The following SPAG16 variants were observed in gnomAD, a reference collection of about 807,000 sequenced individuals.
SPAG16 encodes sperm-associated antigen 16 protein.
A neutral mutation model predicts 80.4 loss-of-function variants in SPAG16; 86 were observed. The ratio of observed to expected loss-of-function variants is 1.07; its 90% CI spans 0.90 to 1.28. SPAG16 has a LOEUF of 1.28. Ranked by LOEUF, SPAG16 falls within the 50% of genes most tolerant of loss-of-function variation. SPAG16 has a pLI of 0.00. For synonymous variants in SPAG16, 294 were observed against 265.9 expected, an observed-to-expected ratio of 1.11 and a Z score of -1.03; for missense variants, 870 against 765.3, an observed-to-expected ratio of 1.14 and a Z score of -1.61.
intron 10 of SPAG16, among the ~76,000 whole-genome samples, chr2:213,672,016 A>G (rs1012939719): frequency 6.6e-6 from 1 of 152,194 alleles, no homozygotes; most frequent in Non-Finnish European, 1.5e-5. Flanking sequence ...ACTAAAAGTG[A>G]TTTAGCCATA....
intron 9 of SPAG16, among the ~76,000 whole-genome samples, chr2:213,433,382 T>C (rs555348498): frequency 6.6e-6 from 1 of 152,344 alleles, no homozygotes; most frequent in East Asian, 1.9e-4. Flanking sequence ...CTCTTAGAAT[T>C]GATAAATGTA....
At chr2:214,059,222 G>GTGTATATATA (rs1553706195) in intron 13 of SPAG16, among the ~76,000 whole-genome samples, 20 of 121,480 alleles carry the variant, frequency 1.6e-4, no homozygotes, top group East Asian at 4.9e-4. Flanking sequence ...ATATGTATGT[G>GTGTATATATA]TATATATATA....
chr2:214,068,437 G>A (rs2050631818), intron 13 of SPAG16, among the ~76,000 whole-genome samples: 1 of 152,040 alleles, frequency 6.6e-6, no homozygotes, highest in African/African-American at 2.4e-5. Context: ...ATTTGCCCAA[G>A]TTTTATCAGT....
chr2:214,026,386 G>GT (rs1271021583), intron 13 of SPAG16, among the ~76,000 whole-genome samples: 1 of 151,276 alleles, frequency 6.6e-6, no homozygotes, highest in Non-Finnish European at 1.5e-5. Flanking sequence ...AAAAACAAAA[G>GT]TTAAAAGTGC....
At chr2:214,329,029 A>G (rs555108447) in intron 15 of SPAG16, among the ~76,000 whole-genome samples, 1 of 152,348 alleles carries the variant, frequency 6.6e-6, no homozygotes, top group South Asian at 2.1e-4. Context: ...GGATACAAAG[A>G]TGGTTAGAAT....
intron 14 of SPAG16, among the ~76,000 whole-genome samples, chr2:214,143,500 CATT>C (rs2055478296): frequency 6.6e-6 from 1 of 151,880 alleles, no homozygotes; most frequent in Non-Finnish European, 1.5e-5. Flanking sequence ...TCAGCTGTGA[CATT>C]ATTTACAGGT....
intron 10 of SPAG16, among the ~76,000 whole-genome samples, chr2:213,514,624 C>T (rs972304404): frequency 8.1e-6 from 1 of 123,638 alleles, no homozygotes; most frequent in Admixed American, 9.4e-5. Flanking sequence ...CCCCTCCCCC[C>T]ACCCCACCAC....
chr2:213,562,385 C>G (rs2059621990), intron 10 of SPAG16, among the ~76,000 whole-genome samples: 1 of 152,146 alleles, frequency 6.6e-6, no homozygotes, highest in South Asian at 2.1e-4. Context: ...CTCTTTAATT[C>G]TTCCCTCTCC....
chr2:213,921,617 T>C (rs981039794), intron 11 of SPAG16, among the ~76,000 whole-genome samples: 1 of 152,214 alleles, frequency 6.6e-6, no homozygotes, highest in Non-Finnish European at 1.5e-5. Flanking sequence ...TGTGGTTGCT[T>C]TATAGTGTCA....
intron 15 of SPAG16, among the ~76,000 whole-genome samples, chr2:214,155,930 C>A (rs2056194658): frequency 1.3e-5 from 2 of 152,084 alleles, no homozygotes; most frequent in African/African-American, 4.8e-5. Context: ...AGTTGAAATT[C>A]AAATCCAGAG....
chr2:213,889,124 C>T (rs903758181), intron 11 of SPAG16, among the ~76,000 whole-genome samples: 1 of 151,756 alleles, frequency 6.6e-6, no homozygotes, highest in Non-Finnish European at 1.5e-5. Flanking sequence ...AACAACTTTG[C>T]TGTTTGAGTA....
chr2:213,407,697 A>T (rs2068710410), intron 9 of SPAG16, among the ~76,000 whole-genome samples: 2 of 147,876 alleles, frequency 1.4e-5, no homozygotes, highest in African/African-American at 5.0e-5. Flanking sequence ...GACAGAAGAG[A>T]GAGAGAGAGA....
At chr2:214,408,042 C>G (rs527271379) in intron 15 of SPAG16, among the ~76,000 whole-genome samples, 2 of 152,148 alleles carry the variant, frequency 1.3e-5, no homozygotes, top group African/African-American at 4.8e-5. Context: ...CTTGAAAAAA[C>G]AAATTTTTGG....
intron 9 of SPAG16, among the ~76,000 whole-genome samples, chr2:213,471,495 G>C (rs2073075396): frequency 6.6e-6 from 1 of 152,176 alleles, no homozygotes; most frequent in Admixed American, 6.5e-5. Flanking sequence ...CCCAGTAACA[G>C]ACCAACATCT....
intron 9 of SPAG16, among the ~76,000 whole-genome samples, chr2:213,484,516 G>C (rs1316394467): frequency 6.6e-6 from 1 of 152,108 alleles, no homozygotes; most frequent in African/African-American, 2.4e-5. Flanking sequence ...AATAATGAGG[G>C]CACAGAAGCC....
chr2:213,408,419 CACA>C (rs2068783836), intron 9 of SPAG16, among the ~76,000 whole-genome samples: 1 of 152,034 alleles, frequency 6.6e-6, no homozygotes. Context: ...TCATTCTGAG[CACA>C]ACTCACCAGT....
At chr2:214,108,523 C>T (rs550188816) in intron 14 of SPAG16, among the ~76,000 whole-genome samples, 111 of 151,006 alleles carry the variant, frequency 7.4e-4, no homozygotes, top group African/African-American at 2.5e-3. Context: ...ACAAGGAATT[C>T]TACTGTAGTC....
At chr2:213,459,825 T>A (rs1473549995) in intron 9 of SPAG16, among the ~76,000 whole-genome samples, 1 of 152,254 alleles carries the variant, frequency 6.6e-6, no homozygotes, top group Non-Finnish European at 1.5e-5. Context: ...ATTTTGACCA[T>A]ATTTGCTACT....
At chr2:213,953,825 C>G (rs942740157) in intron 12 of SPAG16, among the ~76,000 whole-genome samples, 5 of 151,882 alleles carry the variant, frequency 3.3e-5, no homozygotes, top group Non-Finnish European at 1.5e-5. Flanking sequence ...TGAAAAAGTA[C>G]TCAAAGCAAT....
Sources: gnomAD v4.1 joint callset for allele counts (sites outside exome capture counted in the v4.1 genomes callset) on GRCh38, gnomAD v4.1.1 for gene constraint, MANE v1.5 for transcripts, NCBI Gene and HGNC (gene_info 2026-07-23, HGNC 2026-07-21) for gene names.